CHD5: variants seen among roughly 807,000 people sequenced by gnomAD.
The protein encoded by CHD5 is ATP-dependent chromatin remodeler CHD5.
Under a neutral mutation model 230.3 loss-of-function variants are expected in CHD5, and 69 were observed. The observed-to-expected ratio is 0.30, with a 90% CI of 0.25 to 0.37. The LOEUF is 0.37. Among genes scored for constraint, CHD5 ranks in the 10% least tolerant of loss-of-function variants. The pLI is 1.00. For missense variants in CHD5, 1,827 were observed against 2,622.8 expected, an observed-to-expected ratio of 0.70 and a Z score of 6.63; for synonymous variants, 1,064 against 1,065.9, an observed-to-expected ratio of 1.00 and a Z score of 0.03.
intron 20 of CHD5, among the ~76,000 whole-genome samples, chr1:6,132,504 G>A (rs1382159316): frequency 6.6e-6 from 1 of 152,198 alleles, no homozygotes; most frequent in Non-Finnish European, 1.5e-5. Flanking sequence ...CTCCAGGTCT[G>A]CAAACTCTCA....
At chr1:6,148,818 G>A (rs762352495) in intron 9 of CHD5, 36 bp downstream of exon 9, 3 of 1,465,254 alleles carry the variant, frequency 2.0e-6, no homozygotes, top group Non-Finnish European at 2.7e-6. Context: ...CTGGGGTGGG[G>A]CGGGGCGTCC....
intron 7 of CHD5, among the ~76,000 whole-genome samples, chr1:6,149,709 A>AATGG (rs4068875): frequency 0.36 from 54,165 of 150,682 alleles, 10,681 homozygotes; most frequent in East Asian, 0.66. Flanking sequence ...TGGATGGACA[A>AATGG]ATGGATGGAT....
intron 20 of CHD5, among the ~76,000 whole-genome samples, chr1:6,132,707 A>G (rs756981929): frequency 1.3e-5 from 2 of 152,160 alleles, no homozygotes; most frequent in African/African-American, 2.4e-5. Flanking sequence ...GAGTCTGTCC[A>G]GTCTGTTGAA....
chr1:6,137,177 A>G (rs2485023), intron 15 of CHD5, among the ~76,000 whole-genome samples: 67,883 of 151,764 alleles, frequency 0.45, 16,083 homozygotes, highest in East Asian at 0.81. Context: ...CACGATCACC[A>G]CTCACTTGCA....
rs1322093208 is a variant in CHD5 at position 6,105,172 on chromosome 1, ATCTCT to A, written c.*297_*301del. 2.9e-6 allele frequency: 1 copy of A among 345,986 alleles called. No individual in the cohort carries two copies. The highest frequency in any genetic ancestry group is 7.9e-5 in the East Asian group (1 of 12,638). The allele number at this position is 345,986 out of a possible 1,614,324, so 21.4% of individuals were successfully genotyped here. A position where few individuals can be genotyped will look rare whatever the true frequency, so the allele number is the denominator to read the frequency against. On this transcript the variant is annotated 3_prime_UTR_variant, in exon 42 of 42. Transcript: ENST00000262450. The surrounding 1 kb of genome is among the most constrained non-coding windows in gnomAD (Gnocchi z 4.8). ...TGCAAAAGATGTACAAATAAATGAA[ATCTCT>A]TCTAAGAAGTCGTCTGGAAAAGGTG... is the stretch of plus-strand genomic sequence containing the variant.
chr1:6,114,507 A>AACAC (rs3036972), intron 33 of CHD5, among the ~76,000 whole-genome samples: 62 of 150,508 alleles, frequency 4.1e-4, no homozygotes, highest in Admixed American at 1.7e-3. Context: ...TATACACATA[A>AACAC]ACACACACAC....
In CHD5 at chr1:6,131,730, G is replaced by T; in HGVS notation, c.3163C>A (p.Leu1055Ile). The change falls in exon 21 of 42, where the codon CTC (leucine) becomes ATC (isoleucine). Residue 1055 changes from leucine to isoleucine, a missense_variant. By Grantham distance (5) the Leu-to-Ile change is conservative (BLOSUM62 2). Coordinates refer to ENST00000262450, the MANE Select transcript of CHD5 (RefSeq NM_015557.3). The surrounding 1 kb of genome is among the most constrained non-coding windows in gnomAD (Gnocchi z 5.0). ...IFSQMTKMLD[L>I]LEDFLEYEGY... ...TCGTACTCCAGGAAGTCCTCCAGGA[G>T]GTCCAGCATCTTGGTCATCTGCAGG... 6.2e-7 allele frequency: 1 copy of T among 1,612,240 alleles called. No individual in the cohort carries two copies. The highest frequency in any genetic ancestry group is 1.1e-5 in the South Asian group (1 of 90,944).
intron 2 of CHD5, among the ~76,000 whole-genome samples, chr1:6,165,081 A>G (rs961531081): frequency 4.6e-5 from 7 of 152,182 alleles, no homozygotes; most frequent in Non-Finnish European, 7.3e-5. Flanking sequence ...CAGAGAAAGA[A>G]GCGGGAGGGA....
chr1:6,112,532 G>A (rs1666309530), intron 34 of CHD5, among the ~76,000 whole-genome samples: 1 of 152,232 alleles, frequency 6.6e-6, no homozygotes, highest in Admixed American at 6.5e-5. Flanking sequence ...GGAGAGCGCT[G>A]TGAAAAGTAC....
Position 6,128,462 on chromosome 1 carries a change from G to A in CHD5, c.3730+37C>T, listed in dbSNP as rs781397889. 11 of 1,514,514 alleles carry A rather than the reference G, an allele frequency of 7.3e-6. No individual in the cohort carries two copies. Among genetic ancestry groups the A allele is most frequent in the Middle Eastern group, 3.4e-4 (2 of 5,826 alleles). 93.8% of individuals were successfully genotyped at this position (1,514,514 alleles called of 1,614,324 possible). A position where few individuals can be genotyped will look rare whatever the true frequency, so the allele number is the denominator to read the frequency against. Reference sequence around the variant, plus strand: ...CCTCTGCAGGAGCAGCCACCTGGTCGGAGGAGGAGCTGAGGCTGGGCTGGG... The same window carrying A: ...CCTCTGCAGGAGCAGCCACCTGGTCAGAGGAGGAGCTGAGGCTGGGCTGGG... On this transcript the variant is annotated intron_variant, in intron 24 of 41. Coordinates refer to ENST00000262450, the MANE Select transcript of CHD5 (RefSeq NM_015557.3). This position sits in a 1 kb window ranked among gnomAD's most constrained non-coding sequence, Gnocchi z 7.8.
chr1:6,125,186 G>C lies in CHD5; in HGVS notation c.4308C>G (p.Ile1436Met). 1 of 1,607,856 alleles carries C rather than the reference G, an allele frequency of 6.2e-7. No individual in the cohort carries two copies. The highest frequency in any genetic ancestry group is 1.1e-5 in the South Asian group (1 of 89,900). ...ARQRKAFLNAIMRWGMPPQDA... is the reference protein window; with the variant it reads ...ARQRKAFLNAMMRWGMPPQDA... ...CCTGCGGGGGCATGCCCCAGCGCATGATGGCGTTCAGAAAGGCCTTCCGCT... is the reference window on the plus strand; with the variant it reads ...CCTGCGGGGGCATGCCCCAGCGCATCATGGCGTTCAGAAAGGCCTTCCGCT... Residue 1436 changes from isoleucine (I) to methionine (M), a missense_variant, in exon 29 of 42, where the codon ATC becomes ATG. Physicochemically the swap from Ile to Met is conservative, Grantham distance 10 (BLOSUM62 1). Transcript: ENST00000262450. This position sits in a 1 kb window ranked among gnomAD's most constrained non-coding sequence, Gnocchi z 6.7.
chr1:6,174,975 A>ATGGATGGATGGATGGATGG lies in CHD5; in HGVS notation c.79+4951_79+4969dup, dbSNP rs1395215494. ...TGGATGGATGGATGGTGGATGAAGG[A>ATGGATGGATGGATGGATGG]TGGATGGATGGATGGATGGATGGCA... is the stretch of plus-strand genomic sequence containing the variant. On this transcript the variant is annotated intron_variant, in intron 1 of 41. Transcript: ENST00000262450. Among the ~76,000 whole-genome samples the ATGGATGGATGGATGGATGG allele has an allele frequency of 9.4e-3, 798 of 85,166 alleles. 10 individuals are homozygous for ATGGATGGATGGATGGATGG. The highest frequency in any genetic ancestry group is 0.085 in the African/African-American group (753 of 8,880). 55.9% of individuals were successfully genotyped at this position (85,166 alleles called of 152,430 possible).
intron 15 of CHD5, among the ~76,000 whole-genome samples, chr1:6,139,495 C>T (rs988626318): frequency 1.3e-5 from 2 of 151,594 alleles, no homozygotes; most frequent in Non-Finnish European, 2.9e-5. Flanking sequence ...CCTCGGCCTC[C>T]CAAAGTGCTG....
chr1:6,164,817 C>G (rs1292645152), intron 2 of CHD5, among the ~76,000 whole-genome samples: 1 of 152,132 alleles, frequency 6.6e-6, no homozygotes, highest in African/African-American at 2.4e-5. Context: ...CTTCCAAGAA[C>G]CAGAGCTGCA....
At chr1:6,106,572 G>A (rs1403287485) in intron 39 of CHD5, 44 bp downstream of exon 39, 4 of 1,550,600 alleles carry the variant, frequency 2.6e-6, no homozygotes, top group East Asian at 2.4e-5. Context: ...CCACCCAGGG[G>A]CACGCCAGGG....
intron 17 of CHD5, among the ~76,000 whole-genome samples, chr1:6,135,777 G>A (rs1019802348): frequency 8.6e-5 from 13 of 152,014 alleles, no homozygotes; most frequent in Admixed American, 3.3e-4. Flanking sequence ...TTGGGAGGCC[G>A]AGACGGGCAG....
chr1:6,136,444 G>A (rs1040482703), intron 17 of CHD5, 73 bp downstream of exon 17: 3 of 1,548,144 alleles, frequency 1.9e-6, no homozygotes, highest in South Asian at 2.3e-5. Context: ...CAGCCAGGAT[G>A]GGCTATTGAT....
At chr1:6,140,509 C>G (rs181970673) in intron 15 of CHD5, among the ~76,000 whole-genome samples, 1 of 152,266 alleles carries the variant, frequency 6.6e-6, no homozygotes, top group Non-Finnish European at 1.5e-5. Flanking sequence ...GTTCACAGCA[C>G]CATGAGACCT....
Position 6,146,960 on chromosome 1 carries a change from C to T in CHD5, c.1384-89G>A, listed in dbSNP as rs1666921681. Reference sequence around the variant, plus strand: ...TGACAGCAGGCTGCCATGCAGGCTCCCTCCCATCAGTGCCACTGCCCCCAA... The same window carrying T: ...TGACAGCAGGCTGCCATGCAGGCTCTCTCCCATCAGTGCCACTGCCCCCAA... On this transcript the variant is annotated intron_variant, in intron 9 of 41. Coordinates refer to ENST00000262450, the MANE Select transcript of CHD5 (RefSeq NM_015557.3). The surrounding 1 kb of genome is among the most constrained non-coding windows in gnomAD (Gnocchi z 5.1). 4 of 1,041,038 alleles carry T rather than the reference C, an allele frequency of 3.8e-6. No individual in the cohort carries two copies. The South Asian group carries it at 5.0e-5, about 13-fold the overall frequency. 64.5% of individuals were successfully genotyped at this position (1,041,038 alleles called of 1,614,324 possible).
Sources: allele counts gnomAD v4.1 joint callset (sites outside exome capture counted in the v4.1 genomes callset), GRCh38; gene constraint gnomAD v4.1.1; non-coding constraint Gnocchi (gnomAD v3.1); transcripts MANE v1.5; gene names NCBI Gene and HGNC (gene_info 2026-07-23, HGNC 2026-07-21).